Variants in CTBP2 observed in about 807,000 individuals in gnomAD.
The protein encoded by CTBP2 is C-terminal binding protein 2.
Under a neutral mutation model 80.3 loss-of-function variants are expected in CTBP2, and 30 were observed. The observed-to-expected ratio is 0.37, with a 90% confidence interval of 0.28 to 0.51. The LOEUF (loss-of-function observed/expected upper bound fraction) is 0.51, where lower values mean the gene tolerates loss of function less well. Ranked by LOEUF, CTBP2 falls within the 20% of genes least tolerant of loss-of-function variation. The pLI, the probability that CTBP2 is intolerant of heterozygous loss-of-function variation, is 0.93. For missense variants in CTBP2, 1,212 were observed against 1,375.3 expected (o/e 0.88, Z 1.88); for synonymous variants, 594 against 587.4 (o/e 1.01, Z -0.16).
chr10:125,016,257 C>G (rs1251513174), intron 1 of CTBP2, among the ~76,000 whole-genome samples: 1 of 152,212 alleles, frequency 6.6e-6, no homozygotes, highest in African/African-American at 2.4e-5. Context: ...TTCCATGAAC[C>G]TGCAGCGAGC....
chr10:124,989,469 G>A lies in CTBP2; in HGVS notation c.*49C>T, dbSNP rs1230831892. 1 of 1,532,566 alleles carries A rather than the reference G, an allele frequency of 6.5e-7. No individual in the cohort carries two copies. The highest frequency in any genetic ancestry group is 1.7e-5 in the Admixed American group (1 of 59,862). 94.9% of individuals were successfully genotyped at this position (1,532,566 alleles called of 1,614,324 possible). A position where few individuals can be genotyped will look rare whatever the true frequency, so the allele number is the denominator to read the frequency against. The stretch of plus-strand genomic sequence containing the variant: ...TCTCTTAGTTCATCTATTTTTCACT[G>A]TCTCTTGGTCCCAAGTGTATCTGAG... On this transcript the variant is annotated 3_prime_UTR_variant, in exon 9 of 9. Transcript: ENST00000309035.
chr10:125,068,636 A>T (rs918479572), intron 2 of CTBP2, among the ~76,000 whole-genome samples: 3 of 152,198 alleles, frequency 2.0e-5, no homozygotes, highest in Non-Finnish European at 4.4e-5. Context: ...GCCAGGGTGC[A>T]AAGGTCTTAG....
intron 3 of CTBP2, among the ~76,000 whole-genome samples, chr10:125,038,125 C>T (rs1959069642): frequency 6.6e-6 from 1 of 152,144 alleles, no homozygotes; most frequent in South Asian, 2.1e-4. Context: ...CTATGATGTC[C>T]CCACCCCGTG....
intron 1 of CTBP2, among the ~76,000 whole-genome samples, chr10:125,025,045 T>C (rs954224772): frequency 2.0e-4 from 30 of 152,130 alleles, no homozygotes; most frequent in Admixed American, 5.9e-4. Flanking sequence ...TCTGCAGGGT[T>C]GTGAGGTCCA....
In CTBP2 at chr10:124,985,295, G is replaced by A. The variant is rs1205756870; in HGVS notation, c.*4223C>T. 4.1e-6 allele frequency: 1 copy of A among 241,862 alleles called. No homozygotes were observed. Among genetic ancestry groups the A allele is most frequent in the Non-Finnish European group, 7.9e-6 (1 of 126,436 alleles). 15.0% of individuals were successfully genotyped at this position (241,862 alleles called of 1,614,324 possible). On this transcript the variant is annotated 3_prime_UTR_variant, in exon 9 of 9. Transcript: ENST00000309035. ...AACGCATGTGGTTGTGTAAGACATT[G>A]TTTAATAGGAAAAGTTGTACCAGCA...
At chr10:125,111,385 T>C (rs1016548335) in intron 1 of CTBP2, among the ~76,000 whole-genome samples, 2 of 152,236 alleles carry the variant, frequency 1.3e-5, no homozygotes, top group African/African-American at 4.8e-5. Flanking sequence ...TCATTTAGCT[T>C]TCTCTACATC....
At chr10:125,122,250 T>C (rs553337633) in intron 1 of CTBP2, among the ~76,000 whole-genome samples, 1 of 152,366 alleles carries the variant, frequency 6.6e-6, no homozygotes, top group Admixed American at 6.5e-5. Flanking sequence ...ATGGACAACC[T>C]TTCAGCATGG....
intron 1 of CTBP2, among the ~76,000 whole-genome samples, chr10:125,013,097 T>C (rs951735559): frequency 6.6e-6 from 1 of 152,174 alleles, no homozygotes; most frequent in African/African-American, 2.4e-5. Context: ...GCTGCCAGCA[T>C]GTGGTTCCAG....
intron 2 of CTBP2, among the ~76,000 whole-genome samples, chr10:125,044,559 C>T (rs185485315): frequency 1.6e-4 from 25 of 152,310 alleles, no homozygotes; most frequent in Admixed American, 1.2e-3. Flanking sequence ...ATCTTCTGAA[C>T]GGGTGATGAG....
intron 1 of CTBP2, among the ~76,000 whole-genome samples, chr10:125,116,836 C>G (rs906001478): frequency 6.6e-6 from 1 of 152,210 alleles, no homozygotes; most frequent in African/African-American, 2.4e-5. Context: ...TCAAGGGCAG[C>G]GGTCAAGGAA....
At chr10:125,086,663 T>C (rs1015110631) in intron 2 of CTBP2, among the ~76,000 whole-genome samples, 10 of 144,346 alleles carry the variant, frequency 6.9e-5, no homozygotes, top group Non-Finnish European at 1.5e-4. Flanking sequence ...CCCTTCCACA[T>C]AGCGAGAGAG....
At chr10:125,077,324 C>T (rs61310902) in intron 2 of CTBP2, among the ~76,000 whole-genome samples, 22,847 of 152,080 alleles carry the variant, frequency 0.15, 1,813 homozygotes, top group Middle Eastern at 0.24. Flanking sequence ...TCAGCGTTTC[C>T]AGCATGTGTG....
chr10:125,076,105 C>A (rs1401705065), intron 2 of CTBP2, among the ~76,000 whole-genome samples: 2 of 152,186 alleles, frequency 1.3e-5, no homozygotes, highest in African/African-American at 4.8e-5. Context: ...CTCCCTCCCT[C>A]CCTCCCATGA....
In CTBP2 at chr10:125,106,913, G is replaced by T. The variant is rs75674021; in HGVS notation, c.-102+4077C>A. On this transcript the variant is annotated intron_variant, in intron 2 of 10. Coordinates refer to the CTBP2 transcript ENST00000337195. ...AGGGCGTGACCCCTGTGTGACCCTG[G>T]ACCCATGTAGATGCTAAAGCAAAAA... Among the ~76,000 whole-genome samples the T allele has an allele frequency of 3.3e-5, 5 of 152,364 alleles. No homozygotes were observed. In the East Asian group the frequency reaches 7.7e-4, roughly 23 times the overall value.
Position 125,002,944 on chromosome 10 carries a change from G to A in CTBP2, c.1978+16C>T, listed in dbSNP as rs376221975. On this transcript the variant is annotated intron_variant, in intron 3 of 8. Transcript: ENST00000309035. ...CTCCGGACAACTCCAGGCAGCCAGCGCTGCCTCGCACTCACCGAGCTCGCC... is the reference window on the plus strand; with the variant it reads ...CTCCGGACAACTCCAGGCAGCCAGCACTGCCTCGCACTCACCGAGCTCGCC... 84 of 1,611,284 alleles carry A rather than the reference G, an allele frequency of 5.2e-5. No individual in the cohort carries two copies. The highest frequency in any genetic ancestry group is 1.0e-4 in the Admixed American group (6 of 59,972).
upstream of CTBP2, chr10:125,161,081 A>G (rs1861854229): frequency 7.5e-6 from 1 of 133,530 alleles, no homozygotes; most frequent in African/African-American, 2.6e-5. Flanking sequence ...GGGGGGGGGC[A>G]AAGGCGGGGT....
At chr10:124,994,820 CT>C in intron 4 of CTBP2, 137 bp from the exon 7 acceptor site, 2 of 891,974 alleles carry the variant, frequency 2.2e-6, no homozygotes, top group Non-Finnish European at 3.5e-6. Flanking sequence ...GTGCCCAAAG[CT>C]TAGTGAGGCC....
intron 2 of CTBP2, among the ~76,000 whole-genome samples, chr10:125,090,304 G>T (rs1848580716): frequency 1.0e-5 from 1 of 100,258 alleles, no homozygotes; most frequent in Admixed American, 8.8e-5. Context: ...AAAAAAAAAG[G>T]TTGGGGGGAT....
rs1286150973 is a variant in CTBP2, at chr10:125,066,320, A to C, written c.-101-27165T>G. Among the ~76,000 whole-genome samples, 1 of 152,146 alleles carries C rather than the reference A, an allele frequency of 6.6e-6. No individual in the cohort carries two copies. Among genetic ancestry groups the C allele is most frequent in the African/African-American group, 2.4e-5 (1 of 41,430 alleles). On this transcript the variant is annotated intron_variant, in intron 2 of 10. Transcript: ENST00000337195. The surrounding 1 kb of genome is among the most constrained non-coding windows in gnomAD (Gnocchi z 4.1). ...AGACTCAATGCTTTGTGTCACATGGAGCTACCAACATCAGGACCAGCGAGA... is the reference window on the plus strand; with the variant it reads ...AGACTCAATGCTTTGTGTCACATGGCGCTACCAACATCAGGACCAGCGAGA...
Sources: allele counts gnomAD v4.1 joint callset (sites outside exome capture counted in the v4.1 genomes callset), GRCh38; gene constraint gnomAD v4.1.1; non-coding constraint Gnocchi (gnomAD v3.1); transcripts MANE v1.5; gene names NCBI Gene and HGNC (gene_info 2026-07-23, HGNC 2026-07-21).